The following NKAIN3 variants were observed in gnomAD, a reference collection of about 807,000 sequenced individuals.
NKAIN3 encodes the protein sodium/potassium transporting ATPase interacting 3.
A neutral mutation model predicts 30.2 loss-of-function variants in NKAIN3; 25 were observed. The ratio of observed to expected loss-of-function variants is 0.83; its 90% CI spans 0.60 to 1.16. The LOEUF (loss-of-function observed/expected upper bound fraction) is 1.16. Ranked by LOEUF, NKAIN3 falls within the 50% of genes most tolerant of loss-of-function variation. The pLI is 0.00. For missense variants in NKAIN3, 225 were observed against 254.1 expected, an observed-to-expected ratio of 0.89 and a Z score of 0.78; for synonymous variants, 91 against 89.6, an observed-to-expected ratio of 1.02 and a Z score of -0.09.
chr8:62,430,427 C>T (rs962169582), intron 1 of NKAIN3, among the ~76,000 whole-genome samples: 3 of 144,970 alleles, frequency 2.1e-5, no homozygotes, highest in African/African-American at 5.0e-5. Context: ...GTATTTGAGA[C>T]CCTGCTTTCA....
At chr8:62,822,273 G>A (rs2130732629) in intron 4 of NKAIN3, among the ~76,000 whole-genome samples, 1 of 152,246 alleles carries the variant, frequency 6.6e-6, no homozygotes. Flanking sequence ...AGGAGTCTGA[G>A]TAAAAGGCAG....
At chr8:62,669,583 A>G (rs1016912891) in intron 3 of NKAIN3, among the ~76,000 whole-genome samples, 1 of 152,186 alleles carries the variant, frequency 6.6e-6, no homozygotes, top group Non-Finnish European at 1.5e-5. Flanking sequence ...ATGTATAATC[A>G]TGACTACACA....
At chr8:62,813,326 A>G (rs1818554177) in intron 4 of NKAIN3, among the ~76,000 whole-genome samples, 1 of 147,432 alleles carries the variant, frequency 6.8e-6, no homozygotes, top group African/African-American at 2.5e-5. Context: ...TTAGCTGTTC[A>G]GAATCTTTTG....
intron 2 of NKAIN3, among the ~76,000 whole-genome samples, chr8:62,579,934 A>G (rs1810239703): frequency 6.6e-6 from 1 of 152,186 alleles, no homozygotes; most frequent in African/African-American, 2.4e-5. Flanking sequence ...TTCAAGTTTT[A>G]CAAGGAAATT....
chr8:62,292,119 G>T (rs1813661362), intron 1 of NKAIN3, among the ~76,000 whole-genome samples: 1 of 151,802 alleles, frequency 6.6e-6, no homozygotes, highest in South Asian at 2.1e-4. Flanking sequence ...TTTATTTTGA[G>T]CCTACATGTA....
chr8:62,956,628 T>G (rs1823426227), intron 6 of NKAIN3, among the ~76,000 whole-genome samples: 1 of 152,202 alleles, frequency 6.6e-6, no homozygotes, highest in African/African-American at 2.4e-5. Flanking sequence ...TGGTCTCTCA[T>G]GTTTTGTTTC....
chr8:62,565,464 A>G (rs775871556), intron 1 of NKAIN3, among the ~76,000 whole-genome samples: 1 of 152,038 alleles, frequency 6.6e-6, no homozygotes, highest in African/African-American at 2.4e-5. Flanking sequence ...TAAAGTTTCT[A>G]TTATTTTCCT....
At chr8:62,738,648 C>A (rs1208624854) in intron 3 of NKAIN3, among the ~76,000 whole-genome samples, 2 of 148,470 alleles carry the variant, frequency 1.3e-5, no homozygotes, top group African/African-American at 4.9e-5. Context: ...CTGTTTATAT[C>A]ATATCCTTTG....
At chr8:62,870,709 ATCTATATC>A (rs1482670027) in intron 4 of NKAIN3, among the ~76,000 whole-genome samples, 2 of 145,256 alleles carry the variant, frequency 1.4e-5, no homozygotes, top group Non-Finnish European at 3.0e-5. Flanking sequence ...ATATCTATAT[ATCTATATC>A]TCTATATCTA....
intron 3 of NKAIN3, among the ~76,000 whole-genome samples, chr8:62,605,289 AAACAAAATGAGCCTAAT>A (rs1286251929): frequency 1.3e-5 from 2 of 152,060 alleles, no homozygotes; most frequent in Non-Finnish European, 2.9e-5. Flanking sequence ...GTAGAGCTGA[AAACAAAATGAGCCTAAT>A]AACTCAACGG....
chr8:62,325,820 T>G (rs1393642064), intron 1 of NKAIN3, among the ~76,000 whole-genome samples: 2 of 152,084 alleles, frequency 1.3e-5, no homozygotes, highest in African/African-American at 4.8e-5. Flanking sequence ...TTTGTATATC[T>G]TTTTTTGAGA....
chr8:62,570,525 C>T (rs942070199), intron 1 of NKAIN3, among the ~76,000 whole-genome samples: 10 of 152,074 alleles, frequency 6.6e-5, no homozygotes, highest in Admixed American at 2.0e-4. Flanking sequence ...TGGCAGCAGA[C>T]AAGAGAAGAG....
At chr8:62,281,025 T>C (rs886279932) in intron 1 of NKAIN3, among the ~76,000 whole-genome samples, 2 of 152,106 alleles carry the variant, frequency 1.3e-5, no homozygotes, top group Non-Finnish European at 2.9e-5. Flanking sequence ...TGGTTGGTAG[T>C]CTATTAATTG....
At chr8:62,616,093 T>C (rs939408596) in intron 3 of NKAIN3, among the ~76,000 whole-genome samples, 5 of 152,176 alleles carry the variant, frequency 3.3e-5, no homozygotes, top group Non-Finnish European at 7.3e-5. Flanking sequence ...GAATAGGTTA[T>C]GTGAAAATTC....
intron 6 of NKAIN3, among the ~76,000 whole-genome samples, chr8:62,958,769 G>A (rs947411150): frequency 3.3e-5 from 5 of 152,202 alleles, no homozygotes; most frequent in Non-Finnish European, 1.5e-5. Context: ...CAAATGGTTA[G>A]CAACTGAGTA....
chr8:62,930,485 C>A (rs980304790), intron 5 of NKAIN3, among the ~76,000 whole-genome samples: 9 of 151,960 alleles, frequency 5.9e-5, no homozygotes, highest in African/African-American at 1.7e-4. Context: ...AACTCCTGAC[C>A]ACAGGTGATC....
chr8:62,989,847 C>T (rs903964120), downstream of NKAIN3, among the ~76,000 whole-genome samples: 10 of 152,104 alleles, frequency 6.6e-5, no homozygotes, highest in African/African-American at 9.7e-5. Flanking sequence ...CTAAATACAC[C>T]TATGACATCA....
intron 4 of NKAIN3, among the ~76,000 whole-genome samples, chr8:62,767,537 CTCTT>C (rs1427288946): frequency 8.5e-5 from 13 of 152,076 alleles, no homozygotes; most frequent in African/African-American, 3.1e-4. Context: ...AGTCGATAAA[CTCTT>C]TTTTTTTTCT....
At chr8:62,566,456 AAAG>A (rs1809752137) in intron 1 of NKAIN3, among the ~76,000 whole-genome samples, 1 of 143,838 alleles carries the variant, frequency 7.0e-6, no homozygotes, top group African/African-American at 2.6e-5. Context: ...TGAGTGAACT[AAAG>A]AAAGAAAAAA....
Sources: gnomAD v4.1 joint callset for allele counts (sites outside exome capture counted in the v4.1 genomes callset) on GRCh38, gnomAD v4.1.1 for gene constraint, MANE v1.5 for transcripts, NCBI Gene and HGNC (gene_info 2026-07-23, HGNC 2026-07-21) for gene names.